The following APPL2 variants were observed in gnomAD, a reference collection of about 807,000 sequenced individuals.
The protein encoded by APPL2 is DCC-interacting protein 13-beta.
A neutral mutation model predicts 92.7 loss-of-function variants in APPL2; 84 were observed. That is an observed-to-expected ratio of 0.91 (90% CI 0.76 to 1.09). The LOEUF (loss-of-function observed/expected upper bound fraction) is 1.09, where lower values mean the gene tolerates loss of function less well. Ranked by LOEUF, APPL2 falls within the 50% of genes least tolerant of loss-of-function variation. The pLI is 0.00. For missense variants in APPL2, 736 were observed against 824.5 expected (o/e 0.89, Z 1.31); for synonymous variants, 291 against 291.0 (o/e 1.00, Z 0.00).
chr12:105,202,491 T>C (rs998244084), intron 9 of APPL2, among the ~76,000 whole-genome samples: 6 of 152,220 alleles, frequency 3.9e-5, no homozygotes, highest in African/African-American at 1.4e-4. Context: ...TAGATGGTTC[T>C]TCCAGAAACA....
intron 5 of APPL2, among the ~76,000 whole-genome samples, chr12:105,210,780 C>T (rs926798922): frequency 4.6e-5 from 5 of 109,280 alleles, no homozygotes; most frequent in African/African-American, 1.6e-4. Flanking sequence ...GGTTCCTATC[C>T]CGTCTTCCCC....
chr12:105,176,950 T>A lies in APPL2; in HGVS notation c.1738A>T (p.Ile580Phe), dbSNP rs1348837424. The A allele has an allele frequency of 6.2e-7, 1 of 1,614,026 alleles. No individual in the cohort carries two copies. Among genetic ancestry groups the A allele is most frequent in the African/African-American group, 1.3e-5 (1 of 74,924 alleles). ...QENKRLVGFV[I>F]RVPESTGEES... ...TCTCCAGTGGATTCAGGAACACGGA[T>A]GACAAAACCAACCAGTCTCTTGTTT... is the stretch of plus-strand genomic sequence containing the variant. The change falls in exon 19 of 21, where the codon ATC becomes TTC. Residue 580 changes from isoleucine to phenylalanine, a missense_variant. Coordinates refer to ENST00000258530, the MANE Select transcript of APPL2 (RefSeq NM_018171.5).
At chr12:105,209,269 T>C (rs1345289794) in intron 5 of APPL2, among the ~76,000 whole-genome samples, 1 of 152,214 alleles carries the variant, frequency 6.6e-6, no homozygotes, top group Non-Finnish European at 1.5e-5. Flanking sequence ...TAATTTGGTC[T>C]GATGTTGACT....
At position 105,176,892 on chromosome 12, in the gene APPL2, T is replaced by C; in HGVS notation, c.1796A>G (p.Asn599Ser). The C allele has an allele frequency of 6.2e-7, 1 of 1,613,972 alleles. No homozygotes were observed. Among genetic ancestry groups the C allele is most frequent in the Non-Finnish European group, 8.5e-7 (1 of 1,179,946 alleles). Residue 599 changes from asparagine (N) to serine (S), a missense_variant, in exon 19 of 21, where the codon AAC (asparagine) becomes AGC (serine). Coordinates refer to ENST00000258530, the MANE Select transcript of APPL2 (RefSeq NM_018171.5). ...ESLSTYIFES[N>S]SEGEKICYAI... ...AAAAGAGACCTTTTCGCCTTCTGAGTTGCTTTCAAAAATGTATGTACTCAG... is the reference window on the plus strand; with the variant it reads ...AAAAGAGACCTTTTCGCCTTCTGAGCTGCTTTCAAAAATGTATGTACTCAG...
chr12:105,211,711 C>T (rs1286070654), intron 4 of APPL2, among the ~76,000 whole-genome samples: 2 of 152,162 alleles, frequency 1.3e-5, no homozygotes, highest in Non-Finnish European at 2.9e-5. Flanking sequence ...CCAGGCTGCT[C>T]GACTCTCTCA....
chr12:105,189,564 G>A (rs1887016555), intron 16 of APPL2, among the ~76,000 whole-genome samples: 1 of 152,170 alleles, frequency 6.6e-6, no homozygotes, highest in South Asian at 2.1e-4. Flanking sequence ...GGCTAATGGT[G>A]AAATAGCTGT....
intron 11 of APPL2, among the ~76,000 whole-genome samples, chr12:105,197,157 A>G (rs1887722599): frequency 6.6e-6 from 1 of 152,100 alleles, no homozygotes; most frequent in Non-Finnish European, 1.5e-5. Context: ...AACTCCTTGG[A>G]GCAGTTTAAA....
chr12:105,224,672 G>A (rs991997091), intron 2 of APPL2, among the ~76,000 whole-genome samples: 42 of 152,158 alleles, frequency 2.8e-4, no homozygotes, highest in Non-Finnish European at 5.9e-4. Context: ...GGCCAGCCTA[G>A]TGCGTGGCAC....
intron 20 of APPL2, among the ~76,000 whole-genome samples, 180 bp from the exon 21 acceptor site, chr12:105,174,628 G>T (rs1000405220): frequency 1.3e-5 from 2 of 152,080 alleles, no homozygotes; most frequent in Non-Finnish European, 2.9e-5. Flanking sequence ...CTAGAATCTA[G>T]ACTGTTTTCC....
chr12:105,217,766 G>T, intron 2 of APPL2, 41 bp from the exon 3 acceptor site: 1 of 1,583,638 alleles, frequency 6.3e-7, no homozygotes, highest in Non-Finnish European at 8.6e-7. Flanking sequence ...TTAGTCCAAT[G>T]TATACATAGT....
chr12:105,205,092 G>C (rs1888587457), intron 8 of APPL2, among the ~76,000 whole-genome samples: 1 of 152,172 alleles, frequency 6.6e-6, no homozygotes, highest in Non-Finnish European at 1.5e-5. Context: ...AGCAGGAAGT[G>C]CTATGTTCAT....
intron 17 of APPL2, among the ~76,000 whole-genome samples, chr12:105,178,605 G>C (rs1167306258): frequency 6.6e-6 from 1 of 152,142 alleles, no homozygotes; most frequent in Non-Finnish European, 1.5e-5. Context: ...TTATTAAACC[G>C]TAAGACTTAT....
chr12:105,197,031 A>T (rs541740764), intron 11 of APPL2, among the ~76,000 whole-genome samples: 1 of 152,162 alleles, frequency 6.6e-6, no homozygotes, highest in Non-Finnish European at 1.5e-5. Flanking sequence ...GTCAAATCTT[A>T]ATAGAATGCA....
intron 2 of APPL2, among the ~76,000 whole-genome samples, chr12:105,226,027 T>C (rs1424933063): frequency 6.6e-6 from 1 of 152,188 alleles, no homozygotes; most frequent in East Asian, 1.9e-4. Context: ...AAGGAAATTA[T>C]AAAACTATCA....
intron 9 of APPL2, among the ~76,000 whole-genome samples, chr12:105,202,108 C>A (rs1888259431): frequency 6.6e-6 from 1 of 152,220 alleles, no homozygotes; most frequent in African/African-American, 2.4e-5. Flanking sequence ...GCATTCAAAA[C>A]AGTACTTTAG....
At chr12:105,198,104 GAGC>G in intron 10 of APPL2, 151 bp from the exon 11 acceptor site, 1 of 737,784 alleles carries the variant, frequency 1.4e-6, no homozygotes, top group Non-Finnish European at 2.2e-6. Context: ...CAAGTGGAAA[GAGC>G]AGCAGAAGGG....
At position 105,197,884 on chromosome 12, in the gene APPL2, A is replaced by C; in HGVS notation, c.933T>G (p.Cys311Trp). 6.2e-7 allele frequency: 1 copy of C among 1,614,172 alleles called. No homozygotes were observed. The highest frequency in any genetic ancestry group is 8.5e-7 in the Non-Finnish European group (1 of 1,180,028). The change falls in exon 11 of 21, where the codon TGT becomes TGG. Residue 311 changes from cysteine (C) to tryptophan (W), a missense_variant. Physicochemically the swap from Cys to Trp is radical, Grantham distance 215. Transcript: ENST00000258530. ...YFFTQGGNLMCQPRGAVAGGL... is the reference protein window; with the variant it reads ...YFFTQGGNLMWQPRGAVAGGL... Reference sequence around the variant, plus strand: ...CTCCAGCCACGGCTCCCCTGGGCTGACACATGAGATTCCCGCCTTGGGTGA... The same window carrying C: ...CTCCAGCCACGGCTCCCCTGGGCTGCCACATGAGATTCCCGCCTTGGGTGA...
At chr12:105,206,853 T>C (rs1888744535) in intron 8 of APPL2, 2 of 545,764 alleles carry the variant, frequency 3.7e-6, no homozygotes, top group Admixed American at 3.7e-5. Context: ...TTCCTGAACA[T>C]ATGGCCTAAC....
chr12:105,199,258 C>T, intron 10 of APPL2, 115 bp downstream of exon 10: 1 of 1,278,444 alleles, frequency 7.8e-7, no homozygotes, highest in Non-Finnish European at 1.1e-6. Context: ...GGGAGTTCTT[C>T]CCAGTCTCAC....
Sources: gnomAD v4.1 joint callset for allele counts (sites outside exome capture counted in the v4.1 genomes callset) on GRCh38, gnomAD v4.1.1 for gene constraint, MANE v1.5 for transcripts, NCBI Gene and HGNC (gene_info 2026-07-23, HGNC 2026-07-21) for gene names.